Variants in DLG2 observed in about 807,000 individuals in gnomAD.
DLG2 encodes the protein disks large homolog 2.
A neutral mutation model predicts 132.5 loss-of-function variants in DLG2; 45 were observed. The observed-to-expected ratio is 0.34, with a 90% CI of 0.27 to 0.44. The LOEUF is 0.44. DLG2 is among the 20% of genes least tolerant of loss of function. The pLI is 1.00. For missense variants in DLG2, 1,045 were observed against 1,196.9 expected (o/e 0.87, Z 1.87); for synonymous variants, 424 against 419.6 (o/e 1.01, Z -0.13).
intron 4 of DLG2, among the ~76,000 whole-genome samples, chr11:85,201,218 G>A (rs2081434536): frequency 6.6e-6 from 1 of 152,198 alleles, no homozygotes; most frequent in East Asian, 1.9e-4. Context: ...ACCCACTACA[G>A]TAGGGTAGCT....
At chr11:85,551,786 T>C (rs2076680227) in intron 3 of DLG2, among the ~76,000 whole-genome samples, 1 of 152,086 alleles carries the variant, frequency 6.6e-6, no homozygotes, top group African/African-American at 2.4e-5. Context: ...GTAGCTGATG[T>C]TATCCCACTA....
chr11:84,490,346 A>C (rs2099161629), intron 7 of DLG2, among the ~76,000 whole-genome samples: 1 of 152,142 alleles, frequency 6.6e-6, no homozygotes, highest in African/African-American at 2.4e-5. Flanking sequence ...TAAACCAGAA[A>C]GGTTTTAGCT....
intron 5 of DLG2, among the ~76,000 whole-genome samples, chr11:85,128,037 A>G (rs1040481979): frequency 6.6e-6 from 1 of 152,166 alleles, no homozygotes; most frequent in Non-Finnish European, 1.5e-5. Flanking sequence ...TACAAAACAG[A>G]TGTAGTATTA....
intron 6 of DLG2, among the ~76,000 whole-genome samples, chr11:85,012,506 A>G (rs551924405): frequency 2.3e-3 from 350 of 152,202 alleles, no homozygotes; most frequent in Non-Finnish European, 3.9e-3. Context: ...CCTAGGCAAT[A>G]AGAGCAAAAC....
At chr11:84,937,103 G>A (rs1310326639) in intron 6 of DLG2, among the ~76,000 whole-genome samples, 2 of 152,172 alleles carry the variant, frequency 1.3e-5, no homozygotes, top group Non-Finnish European at 2.9e-5. Context: ...AGTGAGCCGA[G>A]ATCATGCCAT....
intron 17 of DLG2, among the ~76,000 whole-genome samples, chr11:83,812,578 T>A (rs886335185): frequency 6.6e-6 from 1 of 152,186 alleles, no homozygotes; most frequent in Non-Finnish European, 1.5e-5. Context: ...TTACTGGGAA[T>A]CCTATAATCC....
chr11:83,521,034 G>A (rs547495873), intron 21 of DLG2, among the ~76,000 whole-genome samples: 1 of 152,182 alleles, frequency 6.6e-6, no homozygotes, highest in African/African-American at 2.4e-5. Context: ...CAAGAGCATG[G>A]GCAAAGGCTC....
chr11:84,357,213 G>C (rs761833577), intron 7 of DLG2, among the ~76,000 whole-genome samples: 1 of 151,916 alleles, frequency 6.6e-6, no homozygotes, highest in Non-Finnish European at 1.5e-5. Context: ...AACTACAGAG[G>C]GATAGAAGAC....
At chr11:85,610,475 T>C (rs985637759) in intron 2 of DLG2, among the ~76,000 whole-genome samples, 33 of 152,198 alleles carry the variant, frequency 2.2e-4, no homozygotes, top group Admixed American at 2.0e-4. Context: ...AGTTTCTCTT[T>C]GCCTGTGAGG....
chr11:83,927,588 G>A (rs1011528958), intron 15 of DLG2, among the ~76,000 whole-genome samples: 1 of 152,184 alleles, frequency 6.6e-6, no homozygotes, highest in African/African-American at 2.4e-5. Context: ...AGGGAAGAGT[G>A]AAATGAGGTA....
intron 11 of DLG2, among the ~76,000 whole-genome samples, chr11:84,010,904 A>G (rs1435895230): frequency 6.6e-6 from 1 of 152,146 alleles, no homozygotes; most frequent in Non-Finnish European, 1.5e-5. Flanking sequence ...GCATTATCAA[A>G]TCTTTGCACT....
intron 9 of DLG2, among the ~76,000 whole-genome samples, chr11:84,134,086 T>TG: frequency 6.6e-6 from 1 of 152,184 alleles, no homozygotes; most frequent in Middle Eastern, 3.4e-3. Context: ...GGTTAGATGC[T>TG]GGGAATTCAG....
At chr11:84,137,135 C>T (rs1595935168) in intron 9 of DLG2, among the ~76,000 whole-genome samples, 1 of 152,112 alleles carries the variant, frequency 6.6e-6, no homozygotes, top group East Asian at 1.9e-4. Context: ...TGGCAACTTA[C>T]CAGACAGCCA....
At chr11:85,298,401 C>G (rs1305178177) in intron 3 of DLG2, among the ~76,000 whole-genome samples, 2 of 152,094 alleles carry the variant, frequency 1.3e-5, no homozygotes, top group Non-Finnish European at 2.9e-5. Flanking sequence ...ATTGTGTGCT[C>G]AGAGTGAACA....
intron 3 of DLG2, among the ~76,000 whole-genome samples, chr11:85,595,749 A>G (rs1404932664): frequency 1.3e-5 from 2 of 152,222 alleles, no homozygotes; most frequent in Non-Finnish European, 2.9e-5. Context: ...AAAGCAATGT[A>G]TTTAACCATT....
chr11:85,043,335 T>C (rs1267087761), intron 6 of DLG2, among the ~76,000 whole-genome samples: 2 of 151,856 alleles, frequency 1.3e-5, no homozygotes, highest in Non-Finnish European at 2.9e-5. Context: ...ATTTTTATTC[T>C]CCATAGTACC....
At chr11:85,240,788 TTAC>T (rs2075838593) in intron 4 of DLG2, among the ~76,000 whole-genome samples, 1 of 151,840 alleles carries the variant, frequency 6.6e-6, no homozygotes, top group Non-Finnish European at 1.5e-5. Context: ...TGGTGTCTTA[TTAC>T]TATAATGTGT....
intron 18 of DLG2, among the ~76,000 whole-genome samples, chr11:83,755,856 A>T (rs2093623541): frequency 1.3e-5 from 2 of 151,284 alleles, no homozygotes; most frequent in Non-Finnish European, 2.9e-5. Context: ...TGGTTGGCAG[A>T]CTCTCTTACT....
intron 3 of DLG2, among the ~76,000 whole-genome samples, chr11:85,542,286 T>C (rs1434988907): frequency 6.6e-6 from 1 of 152,216 alleles, no homozygotes; most frequent in South Asian, 2.1e-4. Flanking sequence ...CCTTCATTGT[T>C]AAGCAATCTC....
Sources: allele counts gnomAD v4.1 joint callset (sites outside exome capture counted in the v4.1 genomes callset), GRCh38; gene constraint gnomAD v4.1.1; transcripts MANE v1.5; gene names NCBI Gene and HGNC (gene_info 2026-07-23, HGNC 2026-07-21).